CDIN1: variants seen among roughly 807,000 people sequenced by gnomAD.
The protein encoded by CDIN1 is CDAN1-interacting nuclease 1.
In CDIN1, 33 loss-of-function variants were observed where a neutral mutation model predicts 45.3. That is an observed-to-expected ratio of 0.73 (90% CI 0.55 to 0.97). The LOEUF is 0.97. CDIN1 is among the 50% of genes least tolerant of loss of function. CDIN1 has a pLI of 0.00. For synonymous variants in CDIN1, 118 were observed against 124.4 expected, an observed-to-expected ratio of 0.95 and a Z score of 0.34; for missense variants, 303 against 339.4, an observed-to-expected ratio of 0.89 and a Z score of 0.84.
At chr15:36,621,711 T>C (rs2039200575) in intron 1 of CDIN1, among the ~76,000 whole-genome samples, 1 of 152,162 alleles carries the variant, frequency 6.6e-6, no homozygotes, top group South Asian at 2.1e-4. Context: ...TTTCAGAGAA[T>C]AAACATTCTG....
At chr15:36,719,214 ACT>A (rs1206782459) in intron 10 of CDIN1, among the ~76,000 whole-genome samples, 1 of 152,004 alleles carries the variant, frequency 6.6e-6, no homozygotes, top group African/African-American at 2.4e-5. Flanking sequence ...GTAGAGTGAG[ACT>A]CTGTCTCTAA....
At chr15:36,758,859 C>T (rs958492166) in intron 10 of CDIN1, among the ~76,000 whole-genome samples, 4 of 152,260 alleles carry the variant, frequency 2.6e-5, no homozygotes, top group Admixed American at 2.0e-4. Context: ...TTAAAACATA[C>T]AGTTTCACAA....
intron 5 of CDIN1, among the ~76,000 whole-genome samples, chr15:36,683,374 G>T (rs1595466007): frequency 1.7e-5 from 2 of 118,368 alleles, no homozygotes; most frequent in African/African-American, 6.6e-5. Flanking sequence ...GTTTGTCAAA[G>T]ATCAGATAGT....
At chr15:36,608,195 A>G (rs989497996) in intron 1 of CDIN1, among the ~76,000 whole-genome samples, 2 of 152,182 alleles carry the variant, frequency 1.3e-5, no homozygotes, top group African/African-American at 4.8e-5. Context: ...TTGGATAGAT[A>G]CCTTGGAGCA....
chr15:36,642,783 C>T (rs897921598), intron 1 of CDIN1, among the ~76,000 whole-genome samples: 3 of 152,062 alleles, frequency 2.0e-5, no homozygotes, highest in Non-Finnish European at 4.4e-5. Flanking sequence ...TTTCTATCAT[C>T]TTTTTTGAAG....
intron 1 of CDIN1, among the ~76,000 whole-genome samples, chr15:36,580,957 A>G (rs983932799): frequency 2.0e-5 from 3 of 152,228 alleles, no homozygotes; most frequent in African/African-American, 7.2e-5. Flanking sequence ...GTACAAATTG[A>G]AGCATAAGTT....
At chr15:36,658,994 T>C (rs964093699) in intron 5 of CDIN1, among the ~76,000 whole-genome samples, 1 of 152,146 alleles carries the variant, frequency 6.6e-6, no homozygotes, top group East Asian at 1.9e-4. Flanking sequence ...GTCAGAATGG[T>C]ATGGTTTCGA....
chr15:36,787,340 C>T (rs1002839920), intron 10 of CDIN1, among the ~76,000 whole-genome samples: 2 of 152,166 alleles, frequency 1.3e-5, no homozygotes, highest in Non-Finnish European at 2.9e-5. Context: ...CCATCACTAC[C>T]ATTGAAATGT....
At chr15:36,684,038 T>C (rs1388722325) in intron 5 of CDIN1, among the ~76,000 whole-genome samples, 4 of 150,638 alleles carry the variant, frequency 2.7e-5, no homozygotes, top group Non-Finnish European at 3.0e-5. Flanking sequence ...AATTTGACTT[T>C]CTCTTTTCCT....
intron 3 of CDIN1, among the ~76,000 whole-genome samples, chr15:36,646,119 C>G (rs1360248970): frequency 6.6e-6 from 1 of 152,060 alleles, no homozygotes; most frequent in Admixed American, 6.6e-5. Flanking sequence ...GAAATCTGCT[C>G]TTAAATTATT....
chr15:36,736,045 C>G (rs1277708025), intron 10 of CDIN1, among the ~76,000 whole-genome samples: 1 of 152,124 alleles, frequency 6.6e-6, no homozygotes, highest in Non-Finnish European at 1.5e-5. Context: ...GTTCATTTAA[C>G]TTTTCTAAGA....
At chr15:36,583,978 T>C (rs2037172565) in intron 1 of CDIN1, among the ~76,000 whole-genome samples, 1 of 152,080 alleles carries the variant, frequency 6.6e-6, no homozygotes, top group Non-Finnish European at 1.5e-5. Flanking sequence ...ATGGCGCCAC[T>C]GCACTCCAGC....
At chr15:36,674,548 A>G (rs2041573199) in intron 5 of CDIN1, among the ~76,000 whole-genome samples, 1 of 152,184 alleles carries the variant, frequency 6.6e-6, no homozygotes, top group Non-Finnish European at 1.5e-5. Flanking sequence ...TGTTTATTAC[A>G]CACAACTATT....
intron 7 of CDIN1, 70 bp from the exon 8 acceptor site, chr15:36,697,253 A>C: frequency 6.8e-6 from 9 of 1,318,652 alleles, no homozygotes; most frequent in Middle Eastern, 1.8e-4. Context: ...CTCAAAGTAT[A>C]GACCTGGTAT....
chr15:36,713,018 A>G (rs1439802151), intron 10 of CDIN1, among the ~76,000 whole-genome samples: 1 of 152,200 alleles, frequency 6.6e-6, no homozygotes, highest in African/African-American at 2.4e-5. Context: ...ACAATTTGGC[A>G]TCTATTACTA....
chr15:36,616,738 A>G (rs1414940711), intron 1 of CDIN1, among the ~76,000 whole-genome samples: 1 of 151,994 alleles, frequency 6.6e-6, no homozygotes, highest in Non-Finnish European at 1.5e-5. Flanking sequence ...TATGGTGACC[A>G]ATATGGTGAA....
chr15:36,653,285 G>A (rs1426910270), intron 3 of CDIN1, among the ~76,000 whole-genome samples: 2 of 152,112 alleles, frequency 1.3e-5, no homozygotes, highest in Admixed American at 1.3e-4. Context: ...ATCCAGGTGA[G>A]GGATGGGAGC....
At chr15:36,634,766 C>T (rs1000422751) in intron 1 of CDIN1, among the ~76,000 whole-genome samples, 3 of 152,144 alleles carry the variant, frequency 2.0e-5, no homozygotes, top group Admixed American at 1.3e-4. Flanking sequence ...TACAGTAAAA[C>T]CAGTTCCTTT....
intron 10 of CDIN1, among the ~76,000 whole-genome samples, chr15:36,730,176 T>C (rs1476158282): frequency 1.3e-5 from 2 of 152,136 alleles, no homozygotes; most frequent in East Asian, 3.9e-4. Context: ...TATTTGACTC[T>C]TCAACTAAGA....
Sources: allele counts gnomAD v4.1 joint callset (sites outside exome capture counted in the v4.1 genomes callset), GRCh38; gene constraint gnomAD v4.1.1; transcripts MANE v1.5; gene names NCBI Gene and HGNC (gene_info 2026-07-23, HGNC 2026-07-21).